The following DSG3 variants were observed in gnomAD, a reference collection of about 807,000 sequenced individuals.
The protein encoded by DSG3 is desmoglein-3.
A neutral mutation model predicts 85.9 loss-of-function variants in DSG3; 63 were observed. That is an observed-to-expected ratio of 0.73 (90% CI 0.60 to 0.90). DSG3 has a LOEUF of 0.90. Ranked by LOEUF, DSG3 falls within the 40% of genes least tolerant of loss-of-function variation. The pLI is 0.00. For missense variants in DSG3, 1,220 were observed against 1,219.9 expected (o/e 1.00, Z 0.00); for synonymous variants, 447 against 441.9 (o/e 1.01, Z -0.14).
In DSG3 at chr18:31,477,044, G is replaced by C. The variant is rs2072893891; in HGVS notation, c.*784G>C. 1 of 151,838 alleles carries C rather than the reference G, an allele frequency of 6.6e-6. No individual in the cohort carries two copies. The highest frequency in any genetic ancestry group is 2.4e-5 in the African/African-American group (1 of 41,370). 9.4% of individuals were successfully genotyped at this position (151,838 alleles called of 1,614,324 possible). A position where few individuals can be genotyped will look rare whatever the true frequency, so the allele number is the denominator to read the frequency against. On this transcript the variant is annotated 3_prime_UTR_variant, in exon 16 of 16. Transcript: ENST00000257189. ...GCTTGGAAAAAGGGAAGTAGTTGCA[G>C]TAGAGTTTCTTCCATCTTCTTGGTG...
chr18:31,457,347 G>A (rs2072748620), intron 3 of DSG3, among the ~76,000 whole-genome samples: 1 of 152,054 alleles, frequency 6.6e-6, no homozygotes, highest in Non-Finnish European at 1.5e-5. Flanking sequence ...AAAGAATTGA[G>A]ACATATTGAC....
At position 31,474,102 on chromosome 18, in the gene DSG3, T is replaced by C. The variant is rs954041194; in HGVS notation, c.2102-19T>C. The C allele has an allele frequency of 1.9e-6, 3 of 1,601,324 alleles. No individual in the cohort carries two copies. ...AACAACAGCATAAGATATTACAGAA[T>C]GTTCTCCCTTGTTTTTAGAAGTTTG... On this transcript the variant is annotated intron_variant, in intron 14 of 15. Transcript: ENST00000257189.
chr18:31,455,111 T>G (rs2072734362), intron 1 of DSG3, among the ~76,000 whole-genome samples: 1 of 152,082 alleles, frequency 6.6e-6, no homozygotes, highest in African/African-American at 2.4e-5. Flanking sequence ...GGCCATTAGC[T>G]AGGGCAAAGT....
At chr18:31,449,468 T>TC (rs2072698383) in intron 1 of DSG3, among the ~76,000 whole-genome samples, 1 of 152,070 alleles carries the variant, frequency 6.6e-6, no homozygotes, top group African/African-American at 2.4e-5. Context: ...TAAGGGGGAT[T>TC]CTTTTTTTTT....
chr18:31,451,388 T>C (rs897733253), intron 1 of DSG3, among the ~76,000 whole-genome samples: 33 of 152,102 alleles, frequency 2.2e-4, no homozygotes, highest in African/African-American at 8.0e-4. Flanking sequence ...TAGAGTACAA[T>C]TTTTTTAAAG....
At chr18:31,472,625 T>C in intron 13 of DSG3, 100 bp from the exon 14 acceptor site, 1 of 1,352,016 alleles carries the variant, frequency 7.4e-7, no homozygotes, top group Non-Finnish European at 1.0e-6. Flanking sequence ...GCACTTCTTG[T>C]AATGTTATCA....
At chr18:31,452,640 C>A (rs925844422) in intron 1 of DSG3, among the ~76,000 whole-genome samples, 5 of 151,374 alleles carry the variant, frequency 3.3e-5, no homozygotes, top group African/African-American at 1.2e-4. Context: ...GGGCTGGGCT[C>A]ACCTATGTGC....
At chr18:31,457,152 GT>G in intron 3 of DSG3, 28 bp downstream of exon 3, 33 of 1,591,322 alleles carry the variant, frequency 2.1e-5, no homozygotes, top group Non-Finnish European at 2.7e-5. Flanking sequence ...GAGCGTATGA[GT>G]TTTTAGAATA....
intron 5 of DSG3, 27 bp from the exon 6 acceptor site, chr18:31,459,818 T>C (rs1204376255): frequency 6.3e-7 from 1 of 1,579,402 alleles, no homozygotes; most frequent in Non-Finnish European, 8.6e-7. Context: ...TACATATTCT[T>C]TAATAAACGT....
intron 12 of DSG3, among the ~76,000 whole-genome samples, chr18:31,471,671 T>C (rs1374278053): frequency 6.6e-6 from 1 of 152,208 alleles, no homozygotes; most frequent in Admixed American, 6.5e-5. Flanking sequence ...GCCAAGGATG[T>C]GCACAGAAAG....
At position 31,460,005 on chromosome 18, in the gene DSG3, C is replaced by G; in HGVS notation, c.678C>G (p.Asp226Glu). The G allele has an allele frequency of 6.2e-7, 1 of 1,613,196 alleles. No homozygotes were observed. The highest frequency in any genetic ancestry group is 8.5e-7 in the Non-Finnish European group (1 of 1,179,606). Residue 226 changes from aspartate to glutamate, a missense_variant, in exon 6 of 16, where the codon GAC becomes GAG. Coordinates refer to ENST00000257189, the MANE Select transcript of DSG3 (RefSeq NM_001944.3). The part of the protein sequence containing the change: ...GEVRTLTNSL[D>E]REQASSYRLV... ...TCCGTACTTTGACCAATTCTCTTGA[C>G]CGAGAGGTACAGCAAAGCACTTGGG...
rs572342015 is a variant in DSG3 at position 31,452,444 on chromosome 18, G to A, written c.49-3996G>A. On this transcript the variant is annotated intron_variant, in intron 1 of 15. Coordinates refer to ENST00000257189, the MANE Select transcript of DSG3 (RefSeq NM_001944.3). ...TGAGGAAGGAGAATCGCTTGAACCC[G>A]GGAGGCAGAACTTGCAGTGAGCCGA... Among the ~76,000 whole-genome samples the A allele has an allele frequency of 2.7e-4, 40 of 148,128 alleles. 2 individuals carry two copies. The South Asian group carries it at 8.0e-3, about 30-fold the overall frequency.
At chr18:31,453,926 TAG>T (rs1226973055) in intron 1 of DSG3, among the ~76,000 whole-genome samples, 2 of 152,008 alleles carry the variant, frequency 1.3e-5, no homozygotes, top group East Asian at 3.8e-4. Flanking sequence ...TCAATGAAAA[TAG>T]ATTTACAAAT....
intron 15 of DSG3, among the ~76,000 whole-genome samples, 192 bp from the exon 16 acceptor site, chr18:31,475,454 G>T (rs2072880444): frequency 6.6e-6 from 1 of 152,152 alleles, no homozygotes; most frequent in Non-Finnish European, 1.5e-5. Flanking sequence ...CAATTTTGAG[G>T]TAATGTCAAC....
rs1399639530 is a variant in DSG3, at chr18:31,474,360, G to A, written c.2341G>A (p.Asp781Asn). The change falls in exon 15 of 16, where the codon GAT becomes AAT. Residue 781 changes from aspartate to asparagine, a missense_variant. Transcript: ENST00000257189. Reference sequence around the variant, plus strand: ...TGGAGGAACCAATAAGGACTACGCTGATGGGGCGATAAGCATGAATTTTCT... The same window carrying A: ...TGGAGGAACCAATAAGGACTACGCTAATGGGGCGATAAGCATGAATTTTCT... ...STGGTNKDYA[D>N]GAISMNFLDS... is the part of the protein sequence containing the mutation. 6.2e-7 allele frequency: 1 copy of A among 1,613,502 alleles called. No homozygotes were observed. Among genetic ancestry groups the A allele is most frequent in the South Asian group, 1.1e-5 (1 of 90,902 alleles).
Position 31,461,429 on chromosome 18 carries a change from C to T in DSG3, c.999+17C>T, listed in dbSNP as rs2072785649. On this transcript the variant is annotated intron_variant, in intron 8 of 15. Transcript: ENST00000257189. ...GTGGTGAAGGTAAGGTCTGACTTCC[C>T]TTCATTGGTAAAAAAAATTCTGTAT... The T allele has an allele frequency of 6.3e-7, 1 of 1,589,008 alleles. No homozygotes were observed. The highest frequency in any genetic ancestry group is 8.5e-7 in the Non-Finnish European group (1 of 1,172,274).
chr18:31,468,317 C>T (rs949549527), intron 11 of DSG3, among the ~76,000 whole-genome samples: 4 of 152,156 alleles, frequency 2.6e-5, no homozygotes, highest in South Asian at 2.1e-4. Flanking sequence ...ATAAGTAAAA[C>T]ACAAGAACAC....
intron 6 of DSG3, 29 bp from the exon 7 acceptor site, chr18:31,460,803 TA>T (rs751109334): frequency 1.0e-5 from 16 of 1,544,736 alleles, no homozygotes; most frequent in Non-Finnish European, 5.2e-6. Flanking sequence ...TGGGATTAAT[TA>T]TTTTTCTTTA....
Position 31,457,115 on chromosome 18 carries a change from A to G in DSG3, c.207A>G (p.Pro69=). ...GAGAAGATAACTCAAAAAGAAACCC[A>G]ATTGCCAAGGTAAGTTATATCAACA... ...REGEDNSKRN[P]IAKITSDYQA... is the part of the protein sequence containing the mutation. The change falls in exon 3 of 16, where the codon CCA becomes CCG. Residue 69 remains proline (P), a synonymous_variant. Transcript: ENST00000257189. 1 of 1,612,076 alleles carries G rather than the reference A, an allele frequency of 6.2e-7. No homozygotes were observed. The highest frequency in any genetic ancestry group is 8.5e-7 in the Non-Finnish European group (1 of 1,179,436).
Sources: allele counts gnomAD v4.1 joint callset (sites outside exome capture counted in the v4.1 genomes callset), GRCh38; gene constraint gnomAD v4.1.1; transcripts MANE v1.5; gene names NCBI Gene and HGNC (gene_info 2026-07-23, HGNC 2026-07-21).